Variants in ABCB7 observed in about 807,000 individuals in gnomAD.
ABCB7 encodes the protein iron-sulfur clusters transporter ABCB7, mitochondrial.
A neutral mutation model predicts 54.4 loss-of-function variants in ABCB7; 7 were observed. The observed-to-expected ratio is 0.13, with a 90% CI of 0.07 to 0.24. ABCB7 has a LOEUF of 0.24. ABCB7 is among the 10% of genes least tolerant of loss of function. The pLI is 1.00. For missense variants in ABCB7, 356 were observed against 570.4 expected (o/e 0.62, Z 3.83); for synonymous variants, 218 against 207.1 (o/e 1.05, Z -0.45).
intron 1 of ABCB7, among the ~76,000 whole-genome samples, chrX:75,146,397 T>C (rs1335139494): frequency 8.9e-6 from 1 of 111,849 alleles, no homozygotes; most frequent in Non-Finnish European, 1.9e-5. Context: ...GCTGGAGGTA[T>C]CACATTACCT....
chrX:75,097,650 G>A (rs1382487918), intron 4 of ABCB7: 1 of 111,375 alleles, frequency 9.0e-6, no homozygotes, highest in Non-Finnish European at 1.9e-5. Context: ...AAAATAAGTG[G>A]TAAGAACTGG....
intron 8 of ABCB7, among the ~76,000 whole-genome samples, chrX:75,072,082 G>T (rs1201577479): frequency 2.7e-5 from 3 of 111,199 alleles, no homozygotes; most frequent in Non-Finnish European, 5.7e-5. Context: ...TGGGATAGCA[G>T]GGATCAGAAA....
At chrX:75,096,245 C>G (rs761909648) in intron 4 of ABCB7, among the ~76,000 whole-genome samples, 2 of 112,103 alleles carry the variant, frequency 1.8e-5, no homozygotes, top group Non-Finnish European at 3.8e-5. Context: ...TAATATTGTT[C>G]TCTCTGTTCA....
At chrX:75,098,725 G>C (rs953076415) in intron 4 of ABCB7, among the ~76,000 whole-genome samples, 1 of 111,694 alleles carries the variant, frequency 9.0e-6, no homozygotes, top group African/African-American at 3.3e-5. Flanking sequence ...GTTTCAAGGA[G>C]TGAATTCCAC....
intron 4 of ABCB7, among the ~76,000 whole-genome samples, chrX:75,080,314 T>C (rs1472039984): frequency 8.9e-6 from 1 of 111,854 alleles, no homozygotes; most frequent in Non-Finnish European, 1.9e-5. Context: ...CATTCTATTT[T>C]ATATCTTTGA....
rs1349934809 is a variant in ABCB7 at position 75,052,895 on chromosome X, TAA to T, written c.*473_*474del. ...GTCTATTTCTGATACATTCTAATTT[TAA>T]AAGTTTATAAATTCATTTTCACATC... On this transcript the variant is annotated 3_prime_UTR_variant, in exon 16 of 16. Transcript: ENST00000373394. 1 of 116,944 alleles carries T rather than the reference TAA, an allele frequency of 8.6e-6. No individual in the cohort carries two copies. Among genetic ancestry groups the T allele is most frequent in the African/African-American group, 3.2e-5 (1 of 31,076 alleles). 9.6% of individuals were successfully genotyped at this position (116,944 alleles called of 1,213,427 possible). A position where few individuals can be genotyped will look rare whatever the true frequency, so the allele number is the denominator to read the frequency against.
chrX:75,079,729 C>T (rs954244642), intron 4 of ABCB7, among the ~76,000 whole-genome samples: 11 of 111,643 alleles, frequency 9.9e-5, no homozygotes, highest in Admixed American at 1.9e-4. Context: ...GTGTGTAGTA[C>T]GTATGTGTCT....
At chrX:75,077,601 T>C (rs967838859) in intron 4 of ABCB7, among the ~76,000 whole-genome samples, 6 of 111,842 alleles carry the variant, frequency 5.4e-5, no homozygotes, top group Non-Finnish European at 1.1e-4. Flanking sequence ...TTGTTAATGC[T>C]CCATTATTAT....
At chrX:75,093,098 C>A (rs746022027) in intron 4 of ABCB7, among the ~76,000 whole-genome samples, 1 of 112,070 alleles carries the variant, frequency 8.9e-6, no homozygotes, top group African/African-American at 3.2e-5. Context: ...TATGGCCACA[C>A]AAAAACCTGC....
At chrX:75,138,078 A>C (rs993306335) in intron 1 of ABCB7, among the ~76,000 whole-genome samples, 2 of 111,932 alleles carry the variant, frequency 1.8e-5, no homozygotes, top group African/African-American at 6.5e-5. Context: ...CACACACACA[A>C]AAAATGCTCA....
intron 11 of ABCB7, 46 bp downstream of exon 11, chrX:75,069,245 T>G: frequency 8.3e-7 from 1 of 1,200,654 alleles, no homozygotes; most frequent in South Asian, 1.8e-5. Context: ...ACATTGGGAA[T>G]CATCAGCCTA....
rs1248813970 is a variant in ABCB7 at position 75,154,606 on chromosome X, T to C, written c.168+1499A>G. ...TACGTGCAGTTCTAGAAAAGGTCCA[T>C]GTTCTCTCTGACTTGTGGGCCTTTG... On this transcript the variant is annotated intron_variant, in intron 1 of 15. Coordinates refer to ENST00000373394, the MANE Select transcript of ABCB7 (RefSeq NM_001271696.3). Among the ~76,000 whole-genome samples, 21 of 112,052 alleles carry C rather than the reference T, an allele frequency of 1.9e-4. No homozygotes were observed. In the Admixed American group the frequency reaches 2.0e-3, roughly 11 times the overall value.
chrX:75,059,944 T>C (rs1052636828), intron 15 of ABCB7, among the ~76,000 whole-genome samples: 1 of 111,970 alleles, frequency 8.9e-6, no homozygotes, highest in African/African-American at 3.2e-5. Context: ...AGAAAAGTTA[T>C]TTTATATATG....
intron 1 of ABCB7, among the ~76,000 whole-genome samples, chrX:75,129,605 T>A (rs753560917): frequency 1.9e-5 from 2 of 106,198 alleles, no homozygotes; most frequent in East Asian, 2.9e-4. Flanking sequence ...TAAATATATA[T>A]AATATATATA....
At position 75,053,207 on chromosome X, in the gene ABCB7, A is replaced by G. The variant is rs1467965362; in HGVS notation, c.*163T>C. 1 of 711,559 alleles carries G rather than the reference A, an allele frequency of 1.4e-6. No individual in the cohort carries two copies. The highest frequency in any genetic ancestry group is 2.0e-6 in the Non-Finnish European group (1 of 497,634). 58.6% of individuals were successfully genotyped at this position (711,559 alleles called of 1,213,427 possible). ...GGGGATAAATACAGATGCCACATTAAATAGACTATGAAAGATGTAAAACTC... is the reference window on the plus strand; with the variant it reads ...GGGGATAAATACAGATGCCACATTAGATAGACTATGAAAGATGTAAAACTC... On this transcript the variant is annotated 3_prime_UTR_variant, in exon 16 of 16. Coordinates refer to ENST00000373394, the MANE Select transcript of ABCB7 (RefSeq NM_001271696.3).
chrX:75,134,417 T>C (rs542459981), intron 1 of ABCB7, among the ~76,000 whole-genome samples: 3 of 111,693 alleles, frequency 2.7e-5, no homozygotes, highest in African/African-American at 6.5e-5. Context: ...GGGCAGACTA[T>C]TGAGGCAGAA....
chrX:75,148,379 C>T (rs772655223), intron 1 of ABCB7, among the ~76,000 whole-genome samples: 1 of 108,316 alleles, frequency 9.2e-6, no homozygotes, highest in Non-Finnish European at 1.9e-5. Context: ...ATCCCAAACC[C>T]CCCCCCAACC....
At chrX:75,070,331 A>C in intron 10 of ABCB7, 34 bp downstream of exon 10, 2 of 1,171,050 alleles carry the variant, frequency 1.7e-6, no homozygotes, top group African/African-American at 3.5e-5. Flanking sequence ...TGATGTTCAC[A>C]TACTTTTGAA....
chrX:75,084,876 G>A (rs1427564363), intron 4 of ABCB7, among the ~76,000 whole-genome samples: 1 of 111,865 alleles, frequency 8.9e-6, no homozygotes, highest in East Asian at 2.8e-4. Flanking sequence ...TACACACAAT[G>A]CTGCTCAATA....
Sources: allele counts gnomAD v4.1 joint callset (sites outside exome capture counted in the v4.1 genomes callset), GRCh38; gene constraint gnomAD v4.1.1; transcripts MANE v1.5; gene names NCBI Gene and HGNC (gene_info 2026-07-23, HGNC 2026-07-21).